MFAP3L: variants seen among roughly 807,000 people sequenced by gnomAD.
MFAP3L encodes microfibril associated protein 3 like, also known as microfibrillar-associated protein 3-like.
MFAP3L carries 5 observed loss-of-function variants against 20.0 expected under a neutral mutation model. The ratio of observed to expected loss-of-function variants is 0.25; its 90% CI spans 0.13 to 0.53. The LOEUF (loss-of-function observed/expected upper bound fraction) is 0.53, where lower values mean the gene tolerates loss of function less well. Ranked by LOEUF, MFAP3L falls within the 20% of genes least tolerant of loss-of-function variation. MFAP3L has a pLI of 0.96. For missense variants in MFAP3L, 409 were observed against 527.5 expected (o/e 0.78, Z 2.20); for synonymous variants, 219 against 213.0 (o/e 1.03, Z -0.25).
chr4:170,005,246 A>G, intron 2 of MFAP3L: 1 of 360,942 alleles, frequency 2.8e-6, no homozygotes, highest in Non-Finnish European at 4.9e-6. Flanking sequence ...TCCATGAAAG[A>G]AAACAAAACT....
chr4:170,015,559 C>T (rs1331308743), intron 1 of MFAP3L, among the ~76,000 whole-genome samples: 2 of 152,238 alleles, frequency 1.3e-5, no homozygotes, highest in East Asian at 3.9e-4. Context: ...CTTGTGTGTC[C>T]CTTACATTCT....
In MFAP3L at chr4:169,991,681, G is replaced by A. The variant is rs113299151; in HGVS notation, c.927C>T (p.His309=). The part of the protein sequence containing the change: ...PAADSDASSL[H]EQPQQIAIKV... ...TGATGGCAATTTGCTGAGGTTGCTCGTGCAGCGATGAGGCGTCCGAGTCAG... is the reference window on the plus strand; with the variant it reads ...TGATGGCAATTTGCTGAGGTTGCTCATGCAGCGATGAGGCGTCCGAGTCAG... Residue 309 remains histidine (H), a synonymous_variant, in exon 3 of 3, where the codon CAC becomes CAT. Transcript: ENST00000361618. The surrounding 1 kb of genome is among the most constrained non-coding windows in gnomAD (Gnocchi z 4.9). 4.0e-4 allele frequency: 649 copies of A among 1,614,158 alleles called. 1 individual carries two copies. The highest frequency in any genetic ancestry group is 5.2e-4 in the Non-Finnish European group (609 of 1,180,040).
chr4:170,014,014 A>C (rs1242143839), intron 1 of MFAP3L, among the ~76,000 whole-genome samples: 1 of 152,190 alleles, frequency 6.6e-6, no homozygotes, highest in East Asian at 1.9e-4. Context: ...CCTAAAACGG[A>C]TCACAATGCA....
At chr4:170,009,296 T>G (rs1475675033) in intron 1 of MFAP3L, among the ~76,000 whole-genome samples, 2 of 149,322 alleles carry the variant, frequency 1.3e-5, no homozygotes, top group African/African-American at 5.0e-5. Context: ...GGCAGGAGAA[T>G]CACTTGAACC....
chr4:170,005,481 T>C (rs1175428588), intron 2 of MFAP3L, 99 bp downstream of exon 2: 5 of 1,307,374 alleles, frequency 3.8e-6, no homozygotes, highest in African/African-American at 1.5e-5. Flanking sequence ...AGATGAGATC[T>C]TTAAATCATT....
intron 1 of MFAP3L, among the ~76,000 whole-genome samples, chr4:170,010,570 G>A (rs182986057): frequency 2.6e-5 from 4 of 152,202 alleles, no homozygotes; most frequent in Admixed American, 6.5e-5. Context: ...AGACATTTAC[G>A]ATGATCCACT....
intron 1 of MFAP3L, among the ~76,000 whole-genome samples, chr4:170,010,518 C>G (rs1310882560): frequency 6.6e-6 from 1 of 152,148 alleles, no homozygotes; most frequent in Non-Finnish European, 1.5e-5. Flanking sequence ...CAGCCCCTCC[C>G]CCTCCTCCTC....
chr4:169,992,429 G>GT lies in MFAP3L; in HGVS notation c.299-121dup. The GT allele has an allele frequency of 4.6e-6, 4 of 869,380 alleles. No homozygotes were observed. Among genetic ancestry groups the GT allele is most frequent in the South Asian group, 1.7e-5 (1 of 58,436 alleles). The allele number at this position is 869,380 out of a possible 1,614,324, so 53.9% of individuals were successfully genotyped here. On this transcript the variant is annotated intron_variant, in intron 2 of 2. Transcript: ENST00000361618. The surrounding 1 kb of genome is among the most constrained non-coding windows in gnomAD (Gnocchi z 4.3). The stretch of plus-strand genomic sequence containing the variant: ...AAGAACATCTATGAAGTCTATGAAC[G>GT]TCGACTTCACATGCTTACTATGCGG...
intron 1 of MFAP3L, among the ~76,000 whole-genome samples, chr4:170,022,862 A>T (rs1740123679): frequency 6.6e-6 from 1 of 152,174 alleles, no homozygotes; most frequent in Admixed American, 6.5e-5. Context: ...GGCCCTGCAG[A>T]GTCTCTGACT....
At chr4:170,015,349 G>A (rs1739632945) in intron 1 of MFAP3L, among the ~76,000 whole-genome samples, 1 of 152,182 alleles carries the variant, frequency 6.6e-6, no homozygotes, top group Non-Finnish European at 1.5e-5. Flanking sequence ...GTTGGAAAAG[G>A]GAAGAAACGG....
chr4:169,994,329 C>G lies in MFAP3L; in HGVS notation c.299-2020G>C, dbSNP rs568287565. The G allele has an allele frequency of 1.7e-5, 17 of 985,362 alleles. No individual in the cohort carries two copies. The African/African-American group carries it at 3.0e-4, about 17-fold the overall frequency. The allele number at this position is 985,362 out of a possible 1,614,324, so 61.0% of individuals were successfully genotyped here. A position where few individuals can be genotyped will look rare whatever the true frequency, so the allele number is the denominator to read the frequency against. On this transcript the variant is annotated intron_variant, in intron 2 of 2. Coordinates refer to ENST00000361618, the MANE Select transcript of MFAP3L (RefSeq NM_021647.8). The stretch of plus-strand genomic sequence containing the variant: ...CCGTACCACTTTTTGGAACAGTTAT[C>G]TGTAAATATAAGGATAAAGTAGTCT...
chr4:170,007,815 C>T (rs903412406), intron 1 of MFAP3L, among the ~76,000 whole-genome samples: 5 of 151,944 alleles, frequency 3.3e-5, no homozygotes, highest in Admixed American at 1.3e-4. Flanking sequence ...CCCTGGTGCC[C>T]GAGCCATAGC....
chr4:170,026,589 A>G (rs1327491493), upstream of MFAP3L, among the ~76,000 whole-genome samples: 1 of 151,290 alleles, frequency 6.6e-6, no homozygotes, highest in Non-Finnish European at 1.5e-5. Context: ...CGGAGGAGCC[A>G]CCGGAGGCTG....
At position 170,011,506 on chromosome 4, in the gene MFAP3L, T is replaced by A. The variant is rs530541585; in HGVS notation, c.-133-5496A>T. Among the ~76,000 whole-genome samples, 10 of 152,292 alleles carry A rather than the reference T, an allele frequency of 6.6e-5. No individual in the cohort carries two copies. In the South Asian group the frequency reaches 8.3e-4, roughly 13 times the overall value. ...TAATACCTAATTCAGATGGCAAATG[T>A]GATAATCACAGGAAAGTATGAAAGG... On this transcript the variant is annotated intron_variant, in intron 1 of 2. Transcript: ENST00000361618.
intron 1 of MFAP3L, among the ~76,000 whole-genome samples, chr4:170,012,102 T>TA (rs1739420289): frequency 6.6e-6 from 1 of 152,168 alleles, no homozygotes; most frequent in African/African-American, 2.4e-5. Context: ...GTGACAGGGC[T>TA]AGTTCTGTGT....
At chr4:170,002,593 T>G (rs1396076786) in intron 2 of MFAP3L, among the ~76,000 whole-genome samples, 1 of 152,054 alleles carries the variant, frequency 6.6e-6, no homozygotes, top group Non-Finnish European at 1.5e-5. Flanking sequence ...CACTGCAACC[T>G]CTGCCTCCCA....
At chr4:170,019,458 C>A (rs1181497989) in intron 1 of MFAP3L, among the ~76,000 whole-genome samples, 1 of 152,148 alleles carries the variant, frequency 6.6e-6, no homozygotes, top group Non-Finnish European at 1.5e-5. Context: ...GTAGGAGGAT[C>A]ACCTGAGCCC....
At chr4:170,011,159 C>A (rs1033261791) in intron 1 of MFAP3L, among the ~76,000 whole-genome samples, 4 of 152,166 alleles carry the variant, frequency 2.6e-5, no homozygotes, top group Non-Finnish European at 5.9e-5. Context: ...GCCTCCCCAG[C>A]CATGTGGAAC....
chr4:170,023,507 G>A (rs571236175), intron 1 of MFAP3L, among the ~76,000 whole-genome samples: 2 of 152,272 alleles, frequency 1.3e-5, no homozygotes, highest in South Asian at 4.2e-4. Flanking sequence ...TTTCAACCAT[G>A]CCAGGGAGGT....
Sources: allele counts gnomAD v4.1 joint callset (sites outside exome capture counted in the v4.1 genomes callset), GRCh38; gene constraint gnomAD v4.1.1; non-coding constraint Gnocchi (gnomAD v3.1); transcripts MANE v1.5; gene names NCBI Gene and HGNC (gene_info 2026-07-23, HGNC 2026-07-21).